Variants in RIPK2 observed in about 807,000 individuals in gnomAD.
The protein encoded by RIPK2 is receptor interacting serine/threonine kinase 2, also known as receptor-interacting serine/threonine-protein kinase 2.
RIPK2 carries 38 observed loss-of-function variants against 60.9 expected under a neutral mutation model. That is an observed-to-expected ratio of 0.62 (90% CI 0.48 to 0.82). RIPK2 has a LOEUF of 0.82. Among genes scored for constraint, RIPK2 ranks in the 40% least tolerant of loss-of-function variants. The pLI is 0.00. For missense variants in RIPK2, 518 were observed against 647.0 expected (o/e 0.80, Z 2.16); for synonymous variants, 225 against 223.4 (o/e 1.01, Z -0.06).
In RIPK2 at chr8:89,789,465, C is replaced by T. The variant is rs2130593430; in HGVS notation, c.1268C>T (p.Ser423Leu). 6.2e-7 allele frequency: 1 copy of T among 1,613,550 alleles called. No individual in the cohort carries two copies. The highest frequency in any genetic ancestry group is 8.5e-7 in the Non-Finnish European group (1 of 1,179,864). Residue 423 changes from serine (S) to leucine (L), a missense_variant, in exon 10 of 11, where the codon TCA becomes TTA. Around this residue, in one of 3 missense-constraint regions of RIPK2, gnomAD observed 448 missense variants for 534.7 expected, o/e 0.84. Coordinates refer to ENST00000220751, the MANE Select transcript of RIPK2 (RefSeq NM_003821.6). Reference protein sequence around the residue: ...PCSSAIINPLSTAGNSERLQP... With the variant: ...PCSSAIINPLLTAGNSERLQP... Reference sequence around the variant, plus strand: ...TCTTCAGCAATAATAAATCCACTCTCAACTGCAGGAAACTCAGGTAAATAT... The same window carrying T: ...TCTTCAGCAATAATAAATCCACTCTTAACTGCAGGAAACTCAGGTAAATAT...
chr8:89,758,285 C>G (rs774673391), intron 1 of RIPK2, 52 bp downstream of exon 1: 1 of 1,507,370 alleles, frequency 6.6e-7, no homozygotes, highest in Non-Finnish European at 8.9e-7. Flanking sequence ...TGCATCCCCT[C>G]AAGCCCCCTG....
chr8:89,785,560 G>T (rs1005310769), intron 8 of RIPK2, among the ~76,000 whole-genome samples: 1 of 151,836 alleles, frequency 6.6e-6, no homozygotes, highest in Non-Finnish European at 1.5e-5. Context: ...TTTAGACTTG[G>T]GTCCCAACCC....
At chr8:89,780,239 A>G in intron 7 of RIPK2, 79 bp downstream of exon 7, 1 of 717,436 alleles carries the variant, frequency 1.4e-6, no homozygotes, top group Non-Finnish European at 2.3e-6. Context: ...AGTTAAGTGT[A>G]GTTTTTAATA....
At chr8:89,786,908 A>G (rs80091185) in intron 9 of RIPK2, among the ~76,000 whole-genome samples, 1 of 151,902 alleles carries the variant, frequency 6.6e-6, no homozygotes, top group African/African-American at 2.4e-5. Flanking sequence ...GTTCACACCT[A>G]TAATCCCAGC....
intron 6 of RIPK2, among the ~76,000 whole-genome samples, chr8:89,773,416 T>C (rs1047789976): frequency 6.6e-6 from 1 of 152,148 alleles, no homozygotes; most frequent in African/African-American, 2.4e-5. Context: ...AAAAGTTTTA[T>C]ATTCTCAAGA....
chr8:89,765,331 A>T lies in RIPK2; in HGVS notation c.328-10A>T, dbSNP rs750457503. Reference sequence around the variant, plus strand: ...AATTTCATTTTCTTTCTTTTCACATATATATGAAGAAAACTGAATATCCTG... The same window carrying T: ...AATTTCATTTTCTTTCTTTTCACATTTATATGAAGAAAACTGAATATCCTG... On this transcript the variant is annotated splice_polypyrimidine_tract_variant and intron_variant, in intron 2 of 10. Transcript: ENST00000220751. 8 of 1,588,314 alleles carry T rather than the reference A, an allele frequency of 5.0e-6. No homozygotes were observed. The South Asian group carries it at 9.1e-5, about 18-fold the overall frequency.
rs184948537 is a variant in RIPK2 at position 89,766,643 on chromosome 8, A to G, written c.483+1147A>G. On this transcript the variant is annotated intron_variant, in intron 3 of 10. Coordinates refer to ENST00000220751, the MANE Select transcript of RIPK2 (RefSeq NM_003821.6). ...AGGGACTTTCACAAAGCAAAATGAT[A>G]ATACCAAATGCCCACCAGCATTTGG... Among the ~76,000 whole-genome samples the G allele has an allele frequency of 9.6e-4, 145 of 150,432 alleles. 3 individuals carry two copies. Among genetic ancestry groups the G allele is most frequent in the Non-Finnish European group, 9.8e-4 (66 of 67,362 alleles).
At chr8:89,766,283 C>A (rs912904827) in intron 3 of RIPK2, among the ~76,000 whole-genome samples, 37 of 151,894 alleles carry the variant, frequency 2.4e-4, no homozygotes, top group African/African-American at 7.0e-4. Context: ...TACAAAGCTG[C>A]TGTGAACAAA....
chr8:89,773,034 A>G (rs1393324779), intron 6 of RIPK2, among the ~76,000 whole-genome samples: 1 of 152,150 alleles, frequency 6.6e-6, no homozygotes, highest in Non-Finnish European at 1.5e-5. Context: ...AAATCGTGTG[A>G]TAGGAGTAAC....
Position 89,785,199 on chromosome 8 carries a change from A to G in RIPK2, c.1029+1060A>G, listed in dbSNP as rs1809565330. 3.3e-5 allele frequency among the ~76,000 whole-genome samples: 5 copies of G among 152,294 alleles called. No individual in the cohort carries two copies. In the South Asian group the frequency reaches 1.0e-3, roughly 32 times the overall value. ...AGTCAAAACATTGTTTCATGGGTGG[A>G]CACGATGGCTCAAGTCTGTGATCCC... On this transcript the variant is annotated intron_variant, in intron 8 of 10. Transcript: ENST00000220751.
At chr8:89,766,896 C>A (rs1334157101) in intron 3 of RIPK2, among the ~76,000 whole-genome samples, 1 of 151,444 alleles carries the variant, frequency 6.6e-6, no homozygotes, top group Non-Finnish European at 1.5e-5. Context: ...GTATTTGTTA[C>A]AGTAGTAGTT....
intron 4 of RIPK2, 69 bp downstream of exon 4, chr8:89,769,998 G>T: frequency 1.6e-6 from 2 of 1,253,496 alleles, no homozygotes; most frequent in Non-Finnish European, 2.2e-6. Flanking sequence ...CCAGAATTTT[G>T]AAGCTACATT....
Position 89,789,856 on chromosome 8 carries a change from C to T in RIPK2, c.1286-223C>T, listed in dbSNP as rs528609322. ...AGTGGTTTTTGCCCCGTGATTTATA[C>T]CATAGGAAAAGGCAATGCCTTTTCT... On this transcript the variant is annotated intron_variant, in intron 10 of 10. Coordinates refer to ENST00000220751, the MANE Select transcript of RIPK2 (RefSeq NM_003821.6). 2.2e-3 allele frequency among the ~76,000 whole-genome samples: 331 copies of T among 152,204 alleles called. 1 individual carries two copies. The highest frequency in any genetic ancestry group is 3.4e-3 in the Middle Eastern group (1 of 294).
chr8:89,767,579 A>G (rs39503), intron 3 of RIPK2, among the ~76,000 whole-genome samples: 99,676 of 151,506 alleles, frequency 0.66, 34,594 homozygotes, highest in African/African-American at 0.89. Flanking sequence ...TCAAGTAGAA[A>G]TACCTTAATG....
intron 4 of RIPK2, 21 bp from the exon 5 acceptor site, chr8:89,771,720 G>A (rs200152886): frequency 9.1e-6 from 14 of 1,545,004 alleles, no homozygotes; most frequent in Non-Finnish European, 9.8e-6. Context: ...TATGTAACAT[G>A]TATGTTCTTA....
intron 2 of RIPK2, 24 bp from the exon 3 acceptor site, chr8:89,765,313 TTTTC>T: frequency 2.6e-6 from 4 of 1,543,036 alleles, no homozygotes; most frequent in Non-Finnish European, 3.5e-6. Context: ...ACTAATTTCA[TTTTC>T]TTTCTTTTCA....
In RIPK2 at chr8:89,769,758, C is replaced by T. The variant is rs1225204419; in HGVS notation, c.484-14C>T. 3 of 1,546,010 alleles carry T rather than the reference C, an allele frequency of 1.9e-6. No homozygotes were observed. Among genetic ancestry groups the T allele is most frequent in the East Asian group, 2.4e-5 (1 of 41,106 alleles). ...AGAGGAAATTTCTTAATTATTTGCT[C>T]TTGTCCCTTACAGATTGCAGATTTT... On this transcript the variant is annotated splice_polypyrimidine_tract_variant and intron_variant, in intron 3 of 10. Coordinates refer to ENST00000220751, the MANE Select transcript of RIPK2 (RefSeq NM_003821.6).
chr8:89,776,213 G>A (rs577154859), intron 6 of RIPK2, among the ~76,000 whole-genome samples: 1 of 152,288 alleles, frequency 6.6e-6, no homozygotes, highest in South Asian at 2.1e-4. Context: ...GGGCAGAAAG[G>A]AGCTGGAAGA....
At chr8:89,758,354 A>C (rs1302993322) in intron 1 of RIPK2, 121 bp downstream of exon 1, 18 of 1,009,346 alleles carry the variant, frequency 1.8e-5, no homozygotes, top group Non-Finnish European at 2.4e-5. Context: ...TCACCTCGTC[A>C]CCTCTAGGGA....
Sources: gnomAD v4.1 joint callset for allele counts (sites outside exome capture counted in the v4.1 genomes callset) on GRCh38, gnomAD v4.1.1 for gene constraint, gnomAD v4.1.1 regional missense constraint, MANE v1.5 for transcripts, NCBI Gene and HGNC (gene_info 2026-07-23, HGNC 2026-07-21) for gene names.